The following TPRG1 variants were observed in gnomAD, a reference collection of about 807,000 sequenced individuals.
TPRG1 encodes tumor protein p63-regulated gene 1 protein.
Under a neutral mutation model 29.3 loss-of-function variants are expected in TPRG1, and 29 were observed. The observed-to-expected ratio is 0.99, with a 90% confidence interval of 0.74 to 1.35. TPRG1 has a LOEUF of 1.35. Among genes scored for constraint, TPRG1 ranks in the 40% most tolerant of loss-of-function variants. TPRG1 has a pLI of 0.00. For missense variants in TPRG1, 327 were observed against 335.0 expected (o/e 0.98, Z 0.19); for synonymous variants, 130 against 116.8 (o/e 1.11, Z -0.73).
chr3:189,097,519 C>A (rs1248220905), upstream of TPRG1, among the ~76,000 whole-genome samples: 2 of 152,140 alleles, frequency 1.3e-5, no homozygotes, highest in East Asian at 3.8e-4. Flanking sequence ...ACAGCAGAAG[C>A]CCTTCGTGCA....
chr3:189,096,750 G>C (rs1408149987), upstream of TPRG1, among the ~76,000 whole-genome samples: 1 of 152,248 alleles, frequency 6.6e-6, no homozygotes, highest in Admixed American at 6.5e-5. Flanking sequence ...TCCTAAGTTT[G>C]GCTTAATTGA....
intron 2 of TPRG1, among the ~76,000 whole-genome samples, chr3:189,208,868 GGAGCT>G (rs1440893688): frequency 6.6e-6 from 1 of 152,128 alleles, no homozygotes; most frequent in East Asian, 1.9e-4. Context: ...TTTATTGCTG[GGAGCT>G]GATGCAATTA....
At chr3:189,141,812 A>C (rs1033047820) in intron 3 of TPRG1, among the ~76,000 whole-genome samples, 2 of 152,200 alleles carry the variant, frequency 1.3e-5, no homozygotes, top group African/African-American at 4.8e-5. Context: ...TTGATTGATT[A>C]CTTTAAAAAG....
chr3:189,074,044 A>G (rs1407477317), intron 4 of TPRG1, among the ~76,000 whole-genome samples: 2 of 152,138 alleles, frequency 1.3e-5, no homozygotes, highest in African/African-American at 2.4e-5. Flanking sequence ...CGGCCATCAA[A>G]TAACGGTTGT....
chr3:189,270,587 T>G (rs1714954010), intron 4 of TPRG1, among the ~76,000 whole-genome samples: 1 of 152,216 alleles, frequency 6.6e-6, no homozygotes. Flanking sequence ...GGCAGGGAGA[T>G]CCTTTCTTTC....
At chr3:189,283,007 T>C (rs1041939454) in intron 4 of TPRG1, among the ~76,000 whole-genome samples, 10 of 152,208 alleles carry the variant, frequency 6.6e-5, no homozygotes, top group African/African-American at 2.4e-4. Context: ...GCTGTATATG[T>C]GGAATTTTGT....
At chr3:189,242,781 T>C (rs1036645053) in intron 4 of TPRG1, among the ~76,000 whole-genome samples, 2 of 152,110 alleles carry the variant, frequency 1.3e-5, no homozygotes, top group Admixed American at 1.3e-4. Context: ...ATAATAAAGT[T>C]AATTTCTTTT....
chr3:189,213,644 C>G (rs775495415), intron 2 of TPRG1, among the ~76,000 whole-genome samples: 1 of 152,172 alleles, frequency 6.6e-6, no homozygotes, highest in African/African-American at 2.4e-5. Flanking sequence ...GTCTTCATCA[C>G]ATTCGTTACT....
At chr3:189,058,486 T>G (rs1369921462) in intron 4 of TPRG1, among the ~76,000 whole-genome samples, 1 of 152,212 alleles carries the variant, frequency 6.6e-6, no homozygotes, top group African/African-American at 2.4e-5. Context: ...TTAATTCTGC[T>G]TTATTCTTTA....
At chr3:189,300,949 C>T (rs1254688877) in intron 4 of TPRG1, among the ~76,000 whole-genome samples, 1 of 152,072 alleles carries the variant, frequency 6.6e-6, no homozygotes, top group Non-Finnish European at 1.5e-5. Flanking sequence ...TTCATAATTC[C>T]TTTCTAATTT....
chr3:189,320,529 A>G (rs1724196595), intron 5 of TPRG1, 97 bp from the exon 6 acceptor site: 1 of 971,884 alleles, frequency 1.0e-6, no homozygotes, highest in Non-Finnish European at 1.5e-6. Context: ...CAGCCCCAGG[A>G]GAGTAGTCAA....
chr3:189,111,856 A>G (rs1048728417), intron 1 of TPRG1, among the ~76,000 whole-genome samples: 4 of 152,160 alleles, frequency 2.6e-5, no homozygotes, highest in African/African-American at 9.6e-5. Flanking sequence ...TTGAATAGAA[A>G]TACTGAGAAC....
chr3:189,278,072 T>A (rs1272729528), intron 4 of TPRG1, among the ~76,000 whole-genome samples: 1 of 152,212 alleles, frequency 6.6e-6, no homozygotes, highest in Admixed American at 6.5e-5. Context: ...TCAACCCTCT[T>A]TCCAGAGGAC....
At chr3:189,309,234 T>C (rs1487125316) in intron 4 of TPRG1, among the ~76,000 whole-genome samples, 2 of 152,032 alleles carry the variant, frequency 1.3e-5, no homozygotes, top group Non-Finnish European at 2.9e-5. Flanking sequence ...TATTAACCAG[T>C]TGGGGAGCGG....
At chr3:189,102,816 C>G (rs896290360) in intron 1 of TPRG1, among the ~76,000 whole-genome samples, 1 of 152,060 alleles carries the variant, frequency 6.6e-6, no homozygotes, top group East Asian at 1.9e-4. Flanking sequence ...ATATTTCTTG[C>G]CATTTTTCCT....
chr3:189,170,910 C>G (rs1338122446), upstream of TPRG1, among the ~76,000 whole-genome samples: 1 of 152,152 alleles, frequency 6.6e-6, no homozygotes, highest in Non-Finnish European at 1.5e-5. Context: ...CAGCGCACAC[C>G]CGTTCCTCCA....
intron 4 of TPRG1, 157 bp downstream of exon 4, chr3:189,239,066 T>TA: frequency 1.8e-6 from 1 of 566,198 alleles, no homozygotes; most frequent in Non-Finnish European, 3.0e-6. Context: ...GTTCCTACTC[T>TA]ATGTCAGCCT....
In TPRG1 at chr3:189,063,842, T is replaced by G. The variant is rs181673105; in HGVS notation, c.-463+39896T>G. On this transcript the variant is annotated intron_variant, in intron 4 of 10. Coordinates refer to the TPRG1 transcript ENST00000433971. ...GGAGGTCCCCAAGACCACTCCTGTTTTGGTGATTTTATTAGAAGAGCTTTT... is the reference window on the plus strand; with the variant it reads ...GGAGGTCCCCAAGACCACTCCTGTTGTGGTGATTTTATTAGAAGAGCTTTT... 1.7e-4 allele frequency among the ~76,000 whole-genome samples: 26 copies of G among 152,222 alleles called. No homozygotes were observed. The East Asian group carries it at 4.8e-3, about 28-fold the overall frequency.
chr3:189,053,000 TGGG>T (rs971447615), intron 4 of TPRG1, among the ~76,000 whole-genome samples: 3 of 152,116 alleles, frequency 2.0e-5, no homozygotes, highest in African/African-American at 4.8e-5. Context: ...GCTTGGGTGA[TGGG>T]TGCACCAGAA....
Sources: gnomAD v4.1 joint callset for allele counts (sites outside exome capture counted in the v4.1 genomes callset) on GRCh38, gnomAD v4.1.1 for gene constraint, MANE v1.5 for transcripts, NCBI Gene and HGNC (gene_info 2026-07-23, HGNC 2026-07-21) for gene names.